Variants in MARCHF8 observed in about 807,000 individuals in gnomAD.
The protein encoded by MARCHF8 is E3 ubiquitin-protein ligase MARCHF8.
MARCHF8 carries 40 observed loss-of-function variants against 51.6 expected under a neutral mutation model. The ratio of observed to expected loss-of-function variants is 0.77; its 90% confidence interval spans 0.60 to 1.01. MARCHF8 has a LOEUF of 1.01. Ranked by LOEUF, MARCHF8 falls within the 50% of genes least tolerant of loss-of-function variation. MARCHF8 has a pLI of 0.00. For synonymous variants in MARCHF8, 263 were observed against 280.3 expected (o/e 0.94, Z 0.62); for missense variants, 685 against 708.6 (o/e 0.97, Z 0.38).
rs760500340 is a variant in MARCHF8 at position 45,459,225 on chromosome 10, T to C, written c.1312A>G (p.Met438Val). 1 of 1,613,990 alleles carries C rather than the reference T, an allele frequency of 6.2e-7. No homozygotes were observed. The highest frequency in any genetic ancestry group is 2.2e-5 in the East Asian group (1 of 44,856). ...QMTSSERRKI[M>V]CSVTFHVIAI... is the part of the protein sequence containing the mutation. ...ATGACGTGGAATGTCACTGAGCACA[T>C]GATCTTCCTGCGCTCGCTGGACGTC... Residue 438 changes from methionine to valine, a missense_variant, in exon 7 of 8, where the codon ATG becomes GTG. Transcript: ENST00000453424.
intron 1 of MARCHF8, among the ~76,000 whole-genome samples, chr10:45,566,608 AT>A (rs2044367503): frequency 6.6e-6 from 1 of 152,076 alleles, no homozygotes; most frequent in Non-Finnish European, 1.5e-5. Context: ...GGATCTCATT[AT>A]TTTTGACAGC....
At chr10:45,493,575 C>T (rs557672560) in intron 2 of MARCHF8, among the ~76,000 whole-genome samples, 1 of 152,144 alleles carries the variant, frequency 6.6e-6, no homozygotes, top group Non-Finnish European at 1.5e-5. Flanking sequence ...TTAGCCAGTG[C>T]TTTTCCAACT....
At chr10:45,514,213 G>C (rs933171769) in intron 2 of MARCHF8, among the ~76,000 whole-genome samples, 4 of 152,194 alleles carry the variant, frequency 2.6e-5, no homozygotes, top group Non-Finnish European at 5.9e-5. Context: ...TTCTGGCTGG[G>C]AACCTCAAGA....
intron 1 of MARCHF8, among the ~76,000 whole-genome samples, chr10:45,557,331 G>A (rs1008155474): frequency 2.6e-5 from 4 of 151,628 alleles, no homozygotes; most frequent in East Asian, 3.9e-4. Flanking sequence ...GTTTTGCCAC[G>A]TTGGCCAGGC....
At chr10:45,578,899 C>T (rs2044519667) in intron 1 of MARCHF8, among the ~76,000 whole-genome samples, 1 of 151,888 alleles carries the variant, frequency 6.6e-6, no homozygotes, top group African/African-American at 2.4e-5. Flanking sequence ...TCAAGAATGA[C>T]AATGAAAGGT....
chr10:45,492,191 C>T (rs1466004349), intron 2 of MARCHF8, among the ~76,000 whole-genome samples: 2 of 152,200 alleles, frequency 1.3e-5, no homozygotes, highest in Non-Finnish European at 2.9e-5. Context: ...TTTAGGGTTG[C>T]TTCTCCACTA....
chr10:45,572,664 C>T (rs1401676313), intron 1 of MARCHF8, among the ~76,000 whole-genome samples: 1 of 152,042 alleles, frequency 6.6e-6, no homozygotes, highest in Admixed American at 6.6e-5. Flanking sequence ...CAATGCAACT[C>T]GTCCCAAATC....
intron 1 of MARCHF8, among the ~76,000 whole-genome samples, chr10:45,533,849 C>A (rs902609971): frequency 2.0e-5 from 3 of 152,292 alleles, no homozygotes; most frequent in Middle Eastern, 3.4e-3. Context: ...TGTGTTCCAG[C>A]TAATTAACTC....
At chr10:45,560,055 A>G (rs1292061091) in intron 1 of MARCHF8, among the ~76,000 whole-genome samples, 1 of 152,138 alleles carries the variant, frequency 6.6e-6, no homozygotes, top group Non-Finnish European at 1.5e-5. Flanking sequence ...TAATTAGGTA[A>G]GCTGGCAAAT....
chr10:45,541,684 A>C (rs543670087), intron 1 of MARCHF8, among the ~76,000 whole-genome samples: 1 of 151,726 alleles, frequency 6.6e-6, no homozygotes, highest in Non-Finnish European at 1.5e-5. Context: ...ACAAATTTCA[A>C]CACGGACAAT....
intron 1 of MARCHF8, among the ~76,000 whole-genome samples, chr10:45,590,244 G>T (rs369964331): frequency 6.6e-6 from 1 of 152,078 alleles, no homozygotes; most frequent in Non-Finnish European, 1.5e-5. Flanking sequence ...GTGCTTACTG[G>T]CTATTTGTAT....
chr10:45,464,231 A>G lies in MARCHF8; in HGVS notation c.242+8T>C, dbSNP rs1744600256. The G allele has an allele frequency of 6.2e-7, 1 of 1,613,008 alleles. No homozygotes were observed. The highest frequency in any genetic ancestry group is 2.2e-5 in the East Asian group (1 of 44,882). ...CTGATCATGGCAGCATCTGAAGCAG[A>G]GTGTTACCTGCAGATGTCCTGGCTG... On this transcript the variant is annotated splice_region_variant and intron_variant, in intron 4 of 7. Coordinates refer to ENST00000453424, the MANE Select transcript of MARCHF8 (RefSeq NM_001282866.2).
rs368059995 is a variant in MARCHF8, at chr10:45,475,408, G to C, written c.154-11081C>G. Among the ~76,000 whole-genome samples, 401 of 152,262 alleles carry C rather than the reference G, an allele frequency of 2.6e-3. 2 individuals are homozygous for C. The highest frequency in any genetic ancestry group is 8.6e-3 in the African/African-American group (358 of 41,558). ...TGTTAGAGCCTGAATGCATCCCCGG[G>C]GGGGGCTGAAGTATGTCCTACCCAG... is the stretch of plus-strand genomic sequence containing the variant. On this transcript the variant is annotated intron_variant, in intron 3 of 7. Coordinates refer to ENST00000453424, the MANE Select transcript of MARCHF8 (RefSeq NM_001282866.2).
intron 1 of MARCHF8, among the ~76,000 whole-genome samples, chr10:45,533,747 C>T (rs1488645925): frequency 6.6e-6 from 1 of 152,098 alleles, no homozygotes; most frequent in South Asian, 2.1e-4. Flanking sequence ...ATGATCCATA[C>T]TTAACCTTCC....
chr10:45,488,669 G>A (rs1589111677), intron 3 of MARCHF8, among the ~76,000 whole-genome samples: 1 of 152,152 alleles, frequency 6.6e-6, no homozygotes, highest in African/African-American at 2.4e-5. Context: ...GCAACATCTA[G>A]AACCTTTTGT....
intron 2 of MARCHF8, among the ~76,000 whole-genome samples, chr10:45,510,069 C>T (rs752909075): frequency 6.6e-6 from 1 of 152,096 alleles, no homozygotes; most frequent in Non-Finnish European, 1.5e-5. Flanking sequence ...GTAGTACAGT[C>T]TCTCAAATTT....
chr10:45,503,520 G>A (rs920254551), intron 2 of MARCHF8, among the ~76,000 whole-genome samples: 7 of 146,146 alleles, frequency 4.8e-5, no homozygotes, highest in African/African-American at 1.8e-4. Flanking sequence ...CCTGGCGACA[G>A]AACGAGACTC....
upstream of MARCHF8, among the ~76,000 whole-genome samples, chr10:45,536,934 G>A (rs898481817): frequency 4.6e-5 from 7 of 150,972 alleles, no homozygotes; most frequent in East Asian, 1.4e-3. Flanking sequence ...AGCCATCATG[G>A]AAATACAAAT....
intron 1 of MARCHF8, among the ~76,000 whole-genome samples, chr10:45,548,375 G>C (rs919311266): frequency 2.0e-5 from 3 of 152,146 alleles, no homozygotes; most frequent in Admixed American, 2.0e-4. Flanking sequence ...CTCGGCTCCA[G>C]ACAGTGCATG....
Sources: gnomAD v4.1 joint callset for allele counts (sites outside exome capture counted in the v4.1 genomes callset) on GRCh38, gnomAD v4.1.1 for gene constraint, MANE v1.5 for transcripts, NCBI Gene and HGNC (gene_info 2026-07-23, HGNC 2026-07-21) for gene names.